HMGCLL1: variants seen among roughly 807,000 people sequenced by gnomAD.
The protein encoded by HMGCLL1 is 3-hydroxy-3-methylglutaryl-CoA lyase like 1.
Under a neutral mutation model 39.1 loss-of-function variants are expected in HMGCLL1, and 36 were observed. The ratio of observed to expected loss-of-function variants is 0.92; its 90% CI spans 0.71 to 1.22. The LOEUF is 1.22. HMGCLL1 is among the 50% of genes most tolerant of loss of function. The pLI, the probability that HMGCLL1 is intolerant of heterozygous loss-of-function variation, is 0.00. For missense variants in HMGCLL1, 451 were observed against 416.5 expected (o/e 1.08, Z -0.72); for synonymous variants, 149 against 144.0 (o/e 1.03, Z -0.25).
intron 6 of HMGCLL1, among the ~76,000 whole-genome samples, chr6:55,497,915 A>T (rs1421084211): frequency 6.6e-6 from 1 of 152,182 alleles, no homozygotes; most frequent in East Asian, 1.9e-4. Context: ...GGAGGGAGAC[A>T]ATGAGGGGAA....
the HMGCLL1 span, among the ~76,000 whole-genome samples, chr6:55,600,883 C>T: frequency 2.0e-5 from 3 of 151,936 alleles, no homozygotes; most frequent in Non-Finnish European, 4.4e-5. Flanking sequence ...GGAACATAGA[C>T]TGCAACTACA....
At chr6:55,491,184 A>T (rs982012303) in intron 7 of HMGCLL1, among the ~76,000 whole-genome samples, 2 of 152,202 alleles carry the variant, frequency 1.3e-5, no homozygotes, top group African/African-American at 4.8e-5. Context: ...ATGGGAATTT[A>T]AAAAATTTCT....
At chr6:55,477,346 TTTAGA>T (rs1321972117) in intron 7 of HMGCLL1, among the ~76,000 whole-genome samples, 14 of 30,158 alleles carry the variant, frequency 4.6e-4, no homozygotes, top group African/African-American at 2.4e-3. Flanking sequence ...ATATATTATA[TTTAGA>T]TAATATATAT....
intron 3 of HMGCLL1, among the ~76,000 whole-genome samples, chr6:55,536,144 G>A (rs1183117111): frequency 6.6e-6 from 1 of 152,120 alleles, no homozygotes; most frequent in African/African-American, 2.4e-5. Context: ...CTAACATTGT[G>A]TTTGGTCCAT....
intron 7 of HMGCLL1, among the ~76,000 whole-genome samples, chr6:55,449,522 C>A (rs1179905489): frequency 6.6e-6 from 1 of 152,170 alleles, no homozygotes; most frequent in Admixed American, 6.5e-5. Context: ...AGTCATTATT[C>A]ATTTCGAAGT....
chr6:55,615,114 G>A, the HMGCLL1 span, among the ~76,000 whole-genome samples: 1 of 151,984 alleles, frequency 6.6e-6, no homozygotes, highest in Non-Finnish European at 1.5e-5. Context: ...AGTGTAAACA[G>A]CATAGACTTT....
chr6:55,528,641 G>GTTTTT (rs5876457), intron 3 of HMGCLL1, among the ~76,000 whole-genome samples: 3 of 149,180 alleles, frequency 2.0e-5, no homozygotes, highest in Non-Finnish European at 1.5e-5. Flanking sequence ...TGAACATCCA[G>GTTTTT]TTTTTTTTTT....
chr6:55,469,911 A>G (rs1004781309), intron 7 of HMGCLL1, among the ~76,000 whole-genome samples: 5 of 152,020 alleles, frequency 3.3e-5, no homozygotes, highest in Admixed American at 1.3e-4. Context: ...AGAAGCACCA[A>G]AGATTAACCG....
intron 1 of HMGCLL1, among the ~76,000 whole-genome samples, chr6:55,542,999 AATT>A (rs540767762): frequency 0.21 from 23,953 of 116,044 alleles, 2,720 homozygotes; most frequent in Admixed American, 0.27. Flanking sequence ...ATATATTATA[AATT>A]ATTATAATAT....
At chr6:55,603,048 A>G in the HMGCLL1 span, among the ~76,000 whole-genome samples, 1 of 152,078 alleles carries the variant, frequency 6.6e-6, no homozygotes, top group African/African-American at 2.4e-5. Flanking sequence ...TTCCTGATTT[A>G]AGAGAGACTG....
intron 1 of HMGCLL1, among the ~76,000 whole-genome samples, chr6:55,571,763 C>T (rs111339714): frequency 0.094 from 14,341 of 151,924 alleles, 919 homozygotes; most frequent in African/African-American, 0.17. Flanking sequence ...AAGTCGAGAT[C>T]GCGCCACTGC....
At chr6:55,595,688 C>T in the HMGCLL1 span, among the ~76,000 whole-genome samples, 11 of 151,996 alleles carry the variant, frequency 7.2e-5, no homozygotes, top group South Asian at 2.1e-3. Context: ...TTACTAAGAA[C>T]CTATGAAGAA....
chr6:55,628,307 T>A, the HMGCLL1 span, among the ~76,000 whole-genome samples: 7,570 of 143,226 alleles, frequency 0.053, 341 homozygotes, highest in Non-Finnish European at 0.076. Flanking sequence ...TAATTTAATT[T>A]ATTTATTTTT....
At chr6:55,637,796 T>C in the HMGCLL1 span, among the ~76,000 whole-genome samples, 2 of 151,690 alleles carry the variant, frequency 1.3e-5, no homozygotes, top group Admixed American at 6.6e-5. Flanking sequence ...ATTGATATCA[T>C]AGATACATGT....
chr6:55,491,394 T>C (rs1480680431), intron 7 of HMGCLL1, among the ~76,000 whole-genome samples: 3 of 152,044 alleles, frequency 2.0e-5, no homozygotes, highest in Non-Finnish European at 4.4e-5. Flanking sequence ...GATGTAAAAA[T>C]TAGGTAAATA....
chr6:55,559,615 G>A (rs930966505), intron 1 of HMGCLL1, among the ~76,000 whole-genome samples: 24 of 152,150 alleles, frequency 1.6e-4, no homozygotes, highest in African/African-American at 5.5e-4. Context: ...CACTGGACTT[G>A]AGCAAAAATT....
At chr6:55,639,949 G>A in the HMGCLL1 span, among the ~76,000 whole-genome samples, 1 of 151,940 alleles carries the variant, frequency 6.6e-6, no homozygotes. Flanking sequence ...GTGGTGGCAT[G>A]TGCCTGTAAT....
At chr6:55,459,870 T>C (rs937038986) in intron 7 of HMGCLL1, among the ~76,000 whole-genome samples, 13 of 152,174 alleles carry the variant, frequency 8.5e-5, no homozygotes, top group African/African-American at 3.1e-4. Flanking sequence ...TATCTGTATC[T>C]GGCTATATAA....
chr6:55,650,110 T>C, the HMGCLL1 span, among the ~76,000 whole-genome samples: 100 of 74,422 alleles, frequency 1.3e-3, 5 homozygotes, highest in East Asian at 0.011. Context: ...TATATATATA[T>C]ATATATATAT....
Sources: allele counts gnomAD v4.1 joint callset (sites outside exome capture counted in the v4.1 genomes callset), GRCh38; gene constraint gnomAD v4.1.1; transcripts MANE v1.5; gene names NCBI Gene and HGNC (gene_info 2026-07-23, HGNC 2026-07-21).